ANKRD30B: variants seen among roughly 807,000 people sequenced by gnomAD.
ANKRD30B encodes the protein ankyrin repeat domain-containing protein 30B.
A neutral mutation model predicts 202.2 loss-of-function variants in ANKRD30B; 144 were observed. The observed-to-expected ratio is 0.71, with a 90% CI of 0.62 to 0.82. The LOEUF (loss-of-function observed/expected upper bound fraction) is 0.82. ANKRD30B is among the 40% of genes least tolerant of loss of function. ANKRD30B has a pLI of 0.00. For synonymous variants in ANKRD30B, 508 were observed against 561.3 expected (o/e 0.91, Z 1.34); for missense variants, 1,487 against 1,669.1 (o/e 0.89, Z 1.90).
chr18:14,789,633 T>C (rs1353585484), intron 15 of ANKRD30B, among the ~76,000 whole-genome samples: 1 of 152,196 alleles, frequency 6.6e-6, no homozygotes, highest in African/African-American at 2.4e-5. Context: ...CCCAGCACCA[T>C]TTATTAAATA....
the ANKRD30B span, among the ~76,000 whole-genome samples, chr18:14,869,451 G>A: frequency 1.9e-4 from 29 of 151,658 alleles, no homozygotes; most frequent in Middle Eastern, 3.4e-3. Flanking sequence ...TTAGAAACCC[G>A]TTTTTTATAT....
At chr18:14,796,875 T>G (rs143700449) in intron 18 of ANKRD30B, among the ~76,000 whole-genome samples, 293 of 152,282 alleles carry the variant, frequency 1.9e-3, no homozygotes, top group African/African-American at 6.3e-3. Context: ...TGGTCCCATG[T>G]GGATGAAGTA....
chr18:14,824,296 C>T (rs1226286508), intron 32 of ANKRD30B, among the ~76,000 whole-genome samples: 1 of 152,178 alleles, frequency 6.6e-6, no homozygotes, highest in African/African-American at 2.4e-5. Context: ...GGAATATTTA[C>T]TGCTTCAACT....
the ANKRD30B span, among the ~76,000 whole-genome samples, chr18:14,925,404 C>G: frequency 6.6e-6 from 1 of 152,228 alleles, no homozygotes; most frequent in African/African-American, 2.4e-5. Context: ...GCAGCAGGAG[C>G]TGTCCGGAAA....
the ANKRD30B span, among the ~76,000 whole-genome samples, chr18:14,937,335 A>G: frequency 2.0e-5 from 3 of 152,328 alleles, no homozygotes; most frequent in Middle Eastern, 3.4e-3. Context: ...ACACTCAACA[A>G]ACTGTGGCAG....
intron 32 of ANKRD30B, among the ~76,000 whole-genome samples, 188 bp downstream of exon 32, chr18:14,822,865 A>T (rs1318458726): frequency 1.3e-5 from 2 of 148,320 alleles, no homozygotes; most frequent in Non-Finnish European, 3.0e-5. Flanking sequence ...TTAGAGATTT[A>T]AAAAAAATTC....
At chr18:14,809,907 C>A in intron 26 of ANKRD30B, 79 bp from the exon 27 acceptor site, 1 of 1,257,740 alleles carries the variant, frequency 8.0e-7, no homozygotes, top group African/African-American at 1.5e-5. Context: ...GATTCATCTT[C>A]ATATTCACAC....
chr18:14,863,169 G>A, the ANKRD30B span, among the ~76,000 whole-genome samples: 3 of 152,180 alleles, frequency 2.0e-5, no homozygotes, highest in Admixed American at 2.0e-4. Context: ...AAGGACATGA[G>A]ATTTGGTGGG....
chr18:14,791,494 A>C lies in ANKRD30B; in HGVS notation c.1825+3A>C. 6.2e-7 allele frequency: 1 copy of C among 1,601,918 alleles called. No homozygotes were observed. The highest frequency in any genetic ancestry group is 8.5e-7 in the Non-Finnish European group (1 of 1,174,430). ...TACCTTAAGTGGAAAATTAGAAGGT[A>C]AGAACCATTTTTTAATTAAAAAGTC... is the stretch of plus-strand genomic sequence containing the variant. On this transcript the variant is annotated splice_donor_region_variant and intron_variant, in intron 16 of 43. Coordinates refer to ENST00000690538, the MANE Select transcript of ANKRD30B (RefSeq NM_001367607.2).
intron 4 of ANKRD30B, among the ~76,000 whole-genome samples, chr18:14,755,591 C>T (rs1914212408): frequency 6.6e-6 from 1 of 151,968 alleles, no homozygotes; most frequent in Non-Finnish European, 1.5e-5. Flanking sequence ...GTGTGATGTT[C>T]CCCTTCCTGT....
At position 14,807,086 on chromosome 18, in the gene ANKRD30B, TTG is replaced by T. The variant is rs1003708545; in HGVS notation, c.2285-1459_2285-1458del. Reference sequence around the variant, plus strand: ...GCCTTAAAATGCTTGCACATAAATTTTGTGTGTTTTAGAGAGTTTATGTCCCC... The same window carrying T: ...GCCTTAAAATGCTTGCACATAAATTTTGTGTTTTAGAGAGTTTATGTCCCC... On this transcript the variant is annotated intron_variant, in intron 24 of 43. Transcript: ENST00000690538. Among the ~76,000 whole-genome samples the T allele has an allele frequency of 3.3e-5, 5 of 151,192 alleles. No homozygotes were observed. The South Asian group carries it at 6.3e-4, about 19-fold the overall frequency.
chr18:14,823,546 C>T (rs899902906), intron 32 of ANKRD30B, among the ~76,000 whole-genome samples: 3 of 151,858 alleles, frequency 2.0e-5, no homozygotes, highest in South Asian at 2.1e-4. Flanking sequence ...TGACTCTTTG[C>T]TAGACACGGT....
chr18:14,892,582 T>C, the ANKRD30B span, among the ~76,000 whole-genome samples: 1 of 151,574 alleles, frequency 6.6e-6, no homozygotes, highest in Non-Finnish European at 1.5e-5. Flanking sequence ...CTACTAAAAA[T>C]ACAAAAAATT....
chr18:14,868,958 T>C, the ANKRD30B span, among the ~76,000 whole-genome samples: 1 of 152,228 alleles, frequency 6.6e-6, no homozygotes, highest in Non-Finnish European at 1.5e-5. Context: ...GCAAAAAGGT[T>C]TCCTGGCTAG....
the ANKRD30B span, among the ~76,000 whole-genome samples, chr18:14,866,670 G>T: frequency 6.6e-6 from 1 of 152,152 alleles, no homozygotes; most frequent in Non-Finnish European, 1.5e-5. Context: ...TGCACTGCCC[G>T]CTTGTGGGGT....
At chr18:14,915,910 A>G in the ANKRD30B span, among the ~76,000 whole-genome samples, 5 of 152,364 alleles carry the variant, frequency 3.3e-5, no homozygotes, top group Non-Finnish European at 7.4e-5. Context: ...ACAACTATTT[A>G]CATAGCATTT....
At chr18:14,849,321 A>AG (rs570930483) in intron 40 of ANKRD30B, among the ~76,000 whole-genome samples, 3,994 of 151,898 alleles carry the variant, frequency 0.026, 187 homozygotes, top group African/African-American at 0.092. Flanking sequence ...AATTATAGGA[A>AG]TTTTTAAAAA....
the ANKRD30B span, among the ~76,000 whole-genome samples, chr18:14,874,247 T>C: frequency 1.3e-5 from 2 of 152,204 alleles, no homozygotes; most frequent in African/African-American, 4.8e-5. Flanking sequence ...CTCTTCCTTT[T>C]GGAGATTTCA....
chr18:14,889,706 T>C, the ANKRD30B span, among the ~76,000 whole-genome samples: 2 of 150,230 alleles, frequency 1.3e-5, no homozygotes, highest in African/African-American at 4.9e-5. Context: ...GGATTTTAAA[T>C]ATCTAAAATG....
Sources: allele counts gnomAD v4.1 joint callset (sites outside exome capture counted in the v4.1 genomes callset), GRCh38; gene constraint gnomAD v4.1.1; transcripts MANE v1.5; gene names NCBI Gene and HGNC (gene_info 2026-07-23, HGNC 2026-07-21).